DOCK7: variants seen among roughly 807,000 people sequenced by gnomAD.
The protein encoded by DOCK7 is dedicator of cytokinesis protein 7.
In DOCK7, 138 loss-of-function variants were observed where a neutral mutation model predicts 271.0. That is an observed-to-expected ratio of 0.51 (90% CI 0.44 to 0.59). The LOEUF is 0.59. DOCK7 is among the 20% of genes least tolerant of loss of function. The pLI, the probability that DOCK7 is intolerant of heterozygous loss-of-function variation, is 0.00. For missense variants in DOCK7, 2,066 were observed against 2,592.4 expected, an observed-to-expected ratio of 0.80 and a Z score of 4.41; for synonymous variants, 823 against 876.1, an observed-to-expected ratio of 0.94 and a Z score of 1.07.
chr1:62,637,897 A>G (rs1655478098), intron 7 of DOCK7, among the ~76,000 whole-genome samples: 1 of 152,190 alleles, frequency 6.6e-6, no homozygotes, highest in Non-Finnish European at 1.5e-5. Flanking sequence ...GTGACTCAGC[A>G]GGGAACTCTC....
At chr1:62,516,089 G>C (rs918763808) in intron 31 of DOCK7, among the ~76,000 whole-genome samples, 1 of 151,842 alleles carries the variant, frequency 6.6e-6, no homozygotes, top group South Asian at 2.1e-4. Flanking sequence ...GACAAAGAAA[G>C]AACTTTAAAT....
intron 1 of DOCK7, among the ~76,000 whole-genome samples, chr1:62,674,169 A>G (rs1235735769): frequency 2.0e-5 from 3 of 152,234 alleles, no homozygotes; most frequent in Non-Finnish European, 4.4e-5. Context: ...CAATGAACAA[A>G]CCAAAAATAT....
intron 23 of DOCK7, 99 bp downstream of exon 23, chr1:62,544,848 A>T: frequency 1.1e-6 from 1 of 944,098 alleles, no homozygotes; most frequent in South Asian, 1.9e-5. Context: ...TTTAATGATT[A>T]AAAAAAGCAA....
At chr1:62,509,540 GT>G (rs1392062260) in intron 34 of DOCK7, among the ~76,000 whole-genome samples, 1 of 151,996 alleles carries the variant, frequency 6.6e-6, no homozygotes, top group African/African-American at 2.4e-5. Flanking sequence ...TGATAGTACA[GT>G]ACCTGGCTAC....
At position 62,494,398 on chromosome 1, in the gene DOCK7, G is replaced by A. The variant is rs1646558459; in HGVS notation, c.5094C>T (p.His1698=). 1 of 1,613,048 alleles carries A rather than the reference G, an allele frequency of 6.2e-7. No homozygotes were observed. The highest frequency in any genetic ancestry group is 1.7e-5 in the Admixed American group (1 of 59,970). ...LTWLQNMAGK[H]SERSNHAEAA... The stretch of plus-strand genomic sequence containing the variant: ...CTTCAGCATGATTGCTTCGTTCTGA[G>A]TGCTTGCCTGCCATGTTCTGCAACC... The change falls in exon 40 of 50, where the codon CAC becomes CAT. Residue 1698 remains histidine, a synonymous_variant. Coordinates refer to ENST00000635253, the MANE Select transcript of DOCK7 (RefSeq NM_001367561.1).
chr1:62,608,229 T>C (rs771629241), intron 14 of DOCK7: 1 of 152,238 alleles, frequency 6.6e-6, no homozygotes. Flanking sequence ...TAGAAGAGTA[T>C]AGGCCTTTGG....
At chr1:62,467,146 A>G (rs1202396024) in intron 48 of DOCK7, among the ~76,000 whole-genome samples, 1 of 152,152 alleles carries the variant, frequency 6.6e-6, no homozygotes, top group African/African-American at 2.4e-5. Context: ...AAATGTCATC[A>G]CTGTTTACAG....
intron 14 of DOCK7, among the ~76,000 whole-genome samples, chr1:62,591,006 T>C (rs1243535851): frequency 6.6e-6 from 1 of 152,140 alleles, no homozygotes; most frequent in Non-Finnish European, 1.5e-5. Context: ...CCCGGAGGAA[T>C]ATAAATCATG....
At chr1:62,687,339 C>A (rs369914786) in intron 1 of DOCK7, among the ~76,000 whole-genome samples, 3 of 152,226 alleles carry the variant, frequency 2.0e-5, no homozygotes, top group African/African-American at 4.8e-5. Context: ...CAACCAACCA[C>A]CACAAGTAGG....
intron 17 of DOCK7, among the ~76,000 whole-genome samples, chr1:62,578,551 C>T (rs1647007444): frequency 6.6e-6 from 1 of 151,960 alleles, no homozygotes; most frequent in Non-Finnish European, 1.5e-5. Flanking sequence ...GAAACCCCAT[C>T]TCTACTAAAA....
At chr1:62,476,938 C>G (rs1359990804) in intron 44 of DOCK7, 3 of 152,130 alleles carry the variant, frequency 2.0e-5, no homozygotes, top group Admixed American at 2.0e-4. Flanking sequence ...ATATAACATT[C>G]AAGAAATTAA....
At position 62,477,778 on chromosome 1, in the gene DOCK7, G is replaced by A. The variant is rs375551105; in HGVS notation, c.5556C>T (p.Phe1852=). The part of the protein sequence containing the change: ...YFRVGFYGTK[F]GDLDEQEFVY... ...CAAATTCTTGTTCATCCAAATCCCC[G>A]AACTTGGTTCCATAAAAACCAACAC... Residue 1852 remains phenylalanine (F), a synonymous_variant, in exon 44 of 50, where the codon TTC becomes TTT. Transcript: ENST00000635253. The A allele has an allele frequency of 1.5e-5, 24 of 1,610,988 alleles. No individual in the cohort carries two copies. The highest frequency in any genetic ancestry group is 6.7e-5 in the African/African-American group (5 of 74,824).
In DOCK7 at chr1:62,477,695, T is replaced by C. The variant is rs781642359; in HGVS notation, c.5634+5A>G. 1.3e-6 allele frequency: 2 copies of C among 1,595,620 alleles called. No homozygotes were observed. The highest frequency in any genetic ancestry group is 1.8e-5 in the Admixed American group (1 of 55,214). On this transcript the variant is annotated splice_donor_5th_base_variant and intron_variant, in intron 44 of 49. Coordinates refer to ENST00000635253, the MANE Select transcript of DOCK7 (RefSeq NM_001367561.1). ...TGACATTTTATGAACCACCACAGCA[T>C]TCACCTCCAATCTGTGAGATATCTC...
intron 43 of DOCK7, chr1:62,484,908 G>A (rs1646248881): frequency 6.5e-6 from 1 of 154,004 alleles, no homozygotes; most frequent in African/African-American, 2.4e-5. Flanking sequence ...GGGAGGCTGA[G>A]GCAGGTGGAT....
chr1:62,553,305 A>G (rs1645979322), intron 21 of DOCK7, among the ~76,000 whole-genome samples: 1 of 122,932 alleles, frequency 8.1e-6, no homozygotes, highest in South Asian at 2.6e-4. Context: ...TCTAAATAAA[A>G]AGTATTTTAT....
chr1:62,463,430 C>A (rs1312534049), intron 48 of DOCK7, among the ~76,000 whole-genome samples: 2 of 152,130 alleles, frequency 1.3e-5, no homozygotes, highest in Non-Finnish European at 2.9e-5. Flanking sequence ...TGAGGATGAA[C>A]CTATGAACCA....
At position 62,507,130 on chromosome 1, in the gene DOCK7, A is replaced by G. The variant is rs181257112; in HGVS notation, c.4476+832T>C. Reference sequence around the variant, plus strand: ...AGCCATAAAATACTTTTAAAGGAAAATTCTCACAACAATGTACAGAATGGA... The same window carrying G: ...AGCCATAAAATACTTTTAAAGGAAAGTTCTCACAACAATGTACAGAATGGA... On this transcript the variant is annotated intron_variant, in intron 35 of 49. Transcript: ENST00000635253. Among the ~76,000 whole-genome samples, 1,104 of 152,082 alleles carry G rather than the reference A, an allele frequency of 7.3e-3. 7 individuals carry two copies. Among genetic ancestry groups the G allele is most frequent in the Non-Finnish European group, 9.4e-3 (640 of 67,998 alleles).
chr1:62,648,212 T>C lies in DOCK7; in HGVS notation c.626A>G (p.Asn209Ser). ...KNSLPDALLP[N>S]LLDRTPNEEI... is the part of the protein sequence containing the mutation. ...TTCATTTGGAGTTCGATCAAGTAAATTGGGAAGCAAAGCATCAGGAAGTGA... is the reference window on the plus strand; with the variant it reads ...TTCATTTGGAGTTCGATCAAGTAAACTGGGAAGCAAAGCATCAGGAAGTGA... Residue 209 changes from asparagine to serine, a missense_variant, in exon 6 of 50, where the codon AAT becomes AGT. Asn to Ser is a conservative substitution (Grantham distance 46, BLOSUM62 1). Around this residue, in one of 2 missense-constraint regions of DOCK7, gnomAD observed 1,414 missense variants for 1,670.4 expected, o/e 0.85. Transcript: ENST00000635253. 3 of 1,613,646 alleles carry C rather than the reference T, an allele frequency of 1.9e-6. No individual in the cohort carries two copies. The highest frequency in any genetic ancestry group is 2.5e-6 in the Non-Finnish European group (3 of 1,179,724).
intron 14 of DOCK7, among the ~76,000 whole-genome samples, chr1:62,594,218 G>A (rs1648881443): frequency 6.6e-6 from 1 of 152,056 alleles, no homozygotes; most frequent in African/African-American, 2.4e-5. Context: ...TTAGCAGTGT[G>A]TACTCAGACA....
Sources: allele counts gnomAD v4.1 joint callset (sites outside exome capture counted in the v4.1 genomes callset), GRCh38; gene constraint gnomAD v4.1.1; regional missense constraint gnomAD v4.1.1; transcripts MANE v1.5; gene names NCBI Gene and HGNC (gene_info 2026-07-23, HGNC 2026-07-21).